Variants in AUTS2 observed in about 807,000 individuals in gnomAD.
AUTS2 encodes activator of transcription and developmental regulator AUTS2.
Under a neutral mutation model 112.4 loss-of-function variants are expected in AUTS2, and 17 were observed. The ratio of observed to expected loss-of-function variants is 0.15; its 90% CI spans 0.10 to 0.23. The LOEUF (loss-of-function observed/expected upper bound fraction) is 0.23, where lower values mean the gene tolerates loss of function less well. AUTS2 is among the 10% of genes least tolerant of loss of function. The pLI, the probability that AUTS2 is intolerant of heterozygous loss-of-function variation, is 1.00. For missense variants in AUTS2, 1,510 were observed against 1,701.6 expected, an observed-to-expected ratio of 0.89 and a Z score of 1.98; for synonymous variants, 751 against 702.7, an observed-to-expected ratio of 1.07 and a Z score of -1.09.
intron 1 of AUTS2, among the ~76,000 whole-genome samples, chr7:69,713,486 G>A (rs1798435728): frequency 6.8e-6 from 1 of 148,076 alleles, no homozygotes; most frequent in African/African-American, 2.5e-5. Context: ...TTGAGAGGGA[G>A]TGTCGCTCTT....
At chr7:69,943,997 A>G (rs1796718151) in intron 2 of AUTS2, among the ~76,000 whole-genome samples, 1 of 152,222 alleles carries the variant, frequency 6.6e-6, no homozygotes, top group Non-Finnish European at 1.5e-5. Flanking sequence ...TAAATAGTTC[A>G]TTCCAGACAA....
Position 70,791,080 on chromosome 7 carries a change from T to C in AUTS2, c.*84T>C. ...TTGAGAGACAGAACTCCTGCATGGC[T>C]CACACAGACTGGGGGGGAAAGCCCC... On this transcript the variant is annotated 3_prime_UTR_variant, in exon 19 of 19. Transcript: ENST00000342771. 7.5e-7 allele frequency: 1 copy of C among 1,333,716 alleles called. No homozygotes were observed. Among genetic ancestry groups the C allele is most frequent in the East Asian group, 2.7e-5 (1 of 36,894 alleles). The allele number at this position is 1,333,716 out of a possible 1,614,324, so 82.6% of individuals were successfully genotyped here.
chr7:70,063,884 C>T (rs1385554278), intron 2 of AUTS2, among the ~76,000 whole-genome samples: 1 of 152,120 alleles, frequency 6.6e-6, no homozygotes, highest in African/African-American at 2.4e-5. Flanking sequence ...GATGGCATCT[C>T]CTTAATTTTT....
chr7:70,003,164 C>CATATATATTATATGA (rs1563029095), intron 2 of AUTS2, among the ~76,000 whole-genome samples: 2 of 128,102 alleles, frequency 1.6e-5, no homozygotes, highest in Non-Finnish European at 3.2e-5. Context: ...TATATATATT[C>CATATATATTATATGA]ATATATATTA....
At chr7:70,589,716 AAAAAG>A (rs367608653) in intron 5 of AUTS2, among the ~76,000 whole-genome samples, 143 of 152,326 alleles carry the variant, frequency 9.4e-4, no homozygotes, top group African/African-American at 3.2e-3. Context: ...TCTGTCTCAA[AAAAAG>A]AAAAGAAAAG....
intron 4 of AUTS2, chr7:70,291,593 C>T (rs577335467): frequency 3.7e-4 from 56 of 152,282 alleles, no homozygotes; most frequent in Admixed American, 3.6e-3. Flanking sequence ...GTATAACTGA[C>T]AATGTCCCCA....
At chr7:70,231,424 A>G (rs891850976) in intron 4 of AUTS2, among the ~76,000 whole-genome samples, 2 of 151,858 alleles carry the variant, frequency 1.3e-5, no homozygotes, top group Admixed American at 6.6e-5. Flanking sequence ...ACTTTTTGTA[A>G]TCTGTGTGGT....
At chr7:69,945,784 A>G (rs1341535976) in intron 2 of AUTS2, among the ~76,000 whole-genome samples, 2 of 151,946 alleles carry the variant, frequency 1.3e-5, no homozygotes, top group Admixed American at 1.3e-4. Context: ...ACATCTTCCC[A>G]TTTCCCTTGT....
chr7:69,664,622 C>T (rs1455070937), intron 1 of AUTS2, among the ~76,000 whole-genome samples: 1 of 152,076 alleles, frequency 6.6e-6, no homozygotes, highest in African/African-American at 2.4e-5. Flanking sequence ...GTGGAAAGTA[C>T]CCTGTGTCTC....
chr7:70,765,948 C>T (rs1201897400), intron 8 of AUTS2, among the ~76,000 whole-genome samples, 166 bp from the exon 9 acceptor site: 1 of 152,108 alleles, frequency 6.6e-6, no homozygotes, highest in East Asian at 1.9e-4. Flanking sequence ...GCGACCGGGC[C>T]TTGGTCTCGT....
At chr7:69,939,001 A>C (rs1229011869) in intron 2 of AUTS2, among the ~76,000 whole-genome samples, 1 of 152,358 alleles carries the variant, frequency 6.6e-6, no homozygotes, top group Non-Finnish European at 1.5e-5. Flanking sequence ...CTATAGATAT[A>C]TTTGATTTAA....
intron 5 of AUTS2, among the ~76,000 whole-genome samples, chr7:70,448,562 G>A (rs940863446): frequency 1.3e-5 from 2 of 152,166 alleles, no homozygotes; most frequent in African/African-American, 4.8e-5. Flanking sequence ...CACTCAAGTA[G>A]TAAAGAATAA....
At chr7:70,259,926 A>G (rs1303453290) in intron 4 of AUTS2, among the ~76,000 whole-genome samples, 1 of 152,104 alleles carries the variant, frequency 6.6e-6, no homozygotes, top group Non-Finnish European at 1.5e-5. Context: ...TCCCAAGAGC[A>G]TAATGAAAAC....
At chr7:69,632,627 TCTTTCTCTTTCCTTTCC>T (rs1450057810) in intron 1 of AUTS2, among the ~76,000 whole-genome samples, 5 of 150,412 alleles carry the variant, frequency 3.3e-5, no homozygotes, top group African/African-American at 9.8e-5. Context: ...CTCTCTGTTT[TCTTTCTCTTTCCTTTCC>T]CTTTCTCTTT....
chr7:70,663,686 T>G (rs1807190797), intron 5 of AUTS2, among the ~76,000 whole-genome samples: 1 of 152,078 alleles, frequency 6.6e-6, no homozygotes, highest in African/African-American at 2.4e-5. Flanking sequence ...CATGTGACCT[T>G]AACTACTAGT....
intron 1 of AUTS2, among the ~76,000 whole-genome samples, chr7:69,851,580 A>G (rs1475893047): frequency 6.6e-6 from 1 of 152,276 alleles, no homozygotes; most frequent in East Asian, 1.9e-4. Flanking sequence ...CAATTTTGGG[A>G]GATTTGATAT....
At chr7:69,797,753 T>A (rs574279207) in intron 1 of AUTS2, among the ~76,000 whole-genome samples, 2 of 150,060 alleles carry the variant, frequency 1.3e-5, no homozygotes, top group East Asian at 4.0e-4. Context: ...TCTCAGATTT[T>A]AAAAAAAGAA....
intron 4 of AUTS2, among the ~76,000 whole-genome samples, chr7:70,361,743 T>A (rs1792279049): frequency 6.6e-6 from 1 of 152,182 alleles, no homozygotes; most frequent in Non-Finnish European, 1.5e-5. Context: ...AAGTAATACA[T>A]GCTCTCTGGT....
At chr7:70,729,443 C>T (rs1787234736) in intron 6 of AUTS2, among the ~76,000 whole-genome samples, 1 of 152,194 alleles carries the variant, frequency 6.6e-6, no homozygotes, top group African/African-American at 2.4e-5. Flanking sequence ...CGTGTCCCTA[C>T]CTGGAATCCC....
Sources: gnomAD v4.1 joint callset for allele counts (sites outside exome capture counted in the v4.1 genomes callset) on GRCh38, gnomAD v4.1.1 for gene constraint, MANE v1.5 for transcripts, NCBI Gene and HGNC (gene_info 2026-07-23, HGNC 2026-07-21) for gene names.